Variants in TYW1B observed in about 807,000 individuals in gnomAD.
TYW1B encodes the protein S-adenosyl-L-methionine-dependent tRNA 4-demethylwyosine synthase TYW1B.
Under a neutral mutation model 86.9 loss-of-function variants are expected in TYW1B, and 73 were observed. The ratio of observed to expected loss-of-function variants is 0.84; its 90% CI spans 0.70 to 1.02. The LOEUF is 1.02. Among genes scored for constraint, TYW1B ranks in the 50% least tolerant of loss-of-function variants. The pLI, the probability that TYW1B is intolerant of heterozygous loss-of-function variation, is 0.00. For synonymous variants in TYW1B, 248 were observed against 292.8 expected (o/e 0.85, Z 1.56); for missense variants, 637 against 827.4 (o/e 0.77, Z 2.82).
At chr7:72,598,428 T>C (rs1811585434) in intron 13 of TYW1B, among the ~76,000 whole-genome samples, 2 of 151,868 alleles carry the variant, frequency 1.3e-5, no homozygotes, top group African/African-American at 4.8e-5. Context: ...CTAATACACA[T>C]ACCAAGTAAA....
At chr7:72,577,688 C>G (rs1317167638) in intron 13 of TYW1B, among the ~76,000 whole-genome samples, 2 of 152,212 alleles carry the variant, frequency 1.3e-5, no homozygotes, top group Non-Finnish European at 2.9e-5. Context: ...CCTTCTGATT[C>G]CAGCTGTGGC....
chr7:72,738,318 C>T (rs1333442925), intron 8 of TYW1B, among the ~76,000 whole-genome samples: 10 of 144,804 alleles, frequency 6.9e-5, no homozygotes, highest in Non-Finnish European at 1.1e-4. Context: ...CTCCTGACCT[C>T]GTGATCCGCC....
chr7:72,816,792 ACTT>A (rs1369875346), intron 2 of TYW1B, among the ~76,000 whole-genome samples: 2 of 152,224 alleles, frequency 1.3e-5, no homozygotes, highest in Admixed American at 1.3e-4. Context: ...GAGACTGTTG[ACTT>A]GGTGAACATA....
chr7:72,750,784 T>G (rs1350463164), intron 7 of TYW1B, among the ~76,000 whole-genome samples: 1 of 152,178 alleles, frequency 6.6e-6, no homozygotes, highest in African/African-American at 2.4e-5. Context: ...TCAAATTTTT[T>G]CAGATATTCG....
At chr7:72,654,087 A>G (rs1813141943) in intron 11 of TYW1B, among the ~76,000 whole-genome samples, 1 of 36,350 alleles carries the variant, frequency 2.8e-5, no homozygotes, top group Non-Finnish European at 6.6e-5. Context: ...CACAAAAAAG[A>G]AAAAAAAAAA....
At chr7:72,692,359 C>T (rs1254962350) in intron 11 of TYW1B, among the ~76,000 whole-genome samples, 1 of 151,310 alleles carries the variant, frequency 6.6e-6, no homozygotes, top group Non-Finnish European at 1.5e-5. Flanking sequence ...AAAAAAAAAT[C>T]AAAAAATTAA....
At chr7:72,754,561 A>ACAAGTAGCCAAG (rs1404100932) in intron 7 of TYW1B, among the ~76,000 whole-genome samples, 1 of 152,006 alleles carries the variant, frequency 6.6e-6, no homozygotes, top group East Asian at 1.9e-4. Context: ...CTCAGCCCCA[A>ACAAGTAGCCAAG]CAAGTAGCCA....
chr7:72,690,104 T>C (rs1264772798), intron 11 of TYW1B, among the ~76,000 whole-genome samples: 2 of 152,244 alleles, frequency 1.3e-5, no homozygotes, highest in Non-Finnish European at 2.9e-5. Context: ...GTTGGTCATT[T>C]TTCTTTTTTA....
intron 13 of TYW1B, among the ~76,000 whole-genome samples, chr7:72,614,497 G>A (rs1472703376): frequency 6.6e-6 from 1 of 152,120 alleles, no homozygotes; most frequent in Non-Finnish European, 1.5e-5. Flanking sequence ...AATGGGTGTG[G>A]TGGCTCACGC....
chr7:72,613,401 C>CTTTTTTTTTTTTT (rs71517349), intron 13 of TYW1B, among the ~76,000 whole-genome samples: 18 of 80,964 alleles, frequency 2.2e-4, no homozygotes, highest in African/African-American at 5.3e-4. Flanking sequence ...TTTATATCTT[C>CTTTTTTTTTTTTT]TTTTTTTTTT....
chr7:72,755,215 C>A (rs969868843), intron 7 of TYW1B, among the ~76,000 whole-genome samples: 1 of 152,030 alleles, frequency 6.6e-6, no homozygotes, highest in Admixed American at 6.6e-5. Context: ...TGCAGGAGTT[C>A]AAGACCAGCC....
chr7:72,627,512 T>TAACATAACAC (rs782405637), intron 12 of TYW1B, among the ~76,000 whole-genome samples: 108 of 143,324 alleles, frequency 7.5e-4, no homozygotes, highest in African/African-American at 2.8e-3. Context: ...TAACATAACA[T>TAACATAACAC]AAATAAAATA....
chr7:72,575,086 A>C lies in TYW1B; in HGVS notation c.*412T>G. The C allele has an allele frequency of 1.9e-6, 2 of 1,036,470 alleles. No individual in the cohort carries two copies. The highest frequency in any genetic ancestry group is 2.3e-6 in the Non-Finnish European group (2 of 861,494). The allele number at this position is 1,036,470 out of a possible 1,614,324, so 64.2% of individuals were successfully genotyped here. ...CGTTTAGCTCAGGGTAGTGCAATTC[A>C]ATGCTAAGTGGCTGCTCCATGAAAT... On this transcript the variant is annotated 3_prime_UTR_variant, in exon 14 of 14. Coordinates refer to ENST00000620995, the MANE Select transcript of TYW1B (RefSeq NM_001145440.3).
intron 6 of TYW1B, among the ~76,000 whole-genome samples, chr7:72,780,187 C>T (rs1470354930): frequency 2.0e-5 from 3 of 152,250 alleles, no homozygotes; most frequent in Admixed American, 2.0e-4. Context: ...CCAGGCTGGT[C>T]TCAAACTCCT....
intron 13 of TYW1B, among the ~76,000 whole-genome samples, chr7:72,578,114 A>ATT (rs11428029): frequency 0.042 from 5,368 of 129,152 alleles, 166 homozygotes; most frequent in Non-Finnish European, 0.059. Context: ...CTTCCTCACC[A>ATT]TTTTTTTTTT....
intron 8 of TYW1B, among the ~76,000 whole-genome samples, chr7:72,735,482 G>T (rs182667139): frequency 1.3e-5 from 2 of 150,738 alleles, no homozygotes; most frequent in African/African-American, 4.9e-5. Context: ...TGAGGCAAGA[G>T]AATCACTTGA....
intron 8 of TYW1B, among the ~76,000 whole-genome samples, chr7:72,742,801 GA>G (rs1366611259): frequency 4.7e-4 from 71 of 149,640 alleles, no homozygotes; most frequent in Admixed American, 1.1e-3. Context: ...TTAATAACTG[GA>G]AAAAAAAAGA....
At chr7:72,728,672 A>G (rs1308154065) in intron 9 of TYW1B, 150 bp downstream of exon 9, 1 of 774,514 alleles carries the variant, frequency 1.3e-6, no homozygotes, top group African/African-American at 1.8e-5. Context: ...AAAAAGGCAA[A>G]ATATATATAA....
intron 11 of TYW1B, among the ~76,000 whole-genome samples, chr7:72,649,751 A>C (rs1813015850): frequency 6.6e-6 from 1 of 152,190 alleles, no homozygotes; most frequent in South Asian, 2.1e-4. Flanking sequence ...AAAATCAATA[A>C]GCCCTAGAGC....
Sources: gnomAD v4.1 joint callset for allele counts (sites outside exome capture counted in the v4.1 genomes callset) on GRCh38, gnomAD v4.1.1 for gene constraint, MANE v1.5 for transcripts, NCBI Gene and HGNC (gene_info 2026-07-23, HGNC 2026-07-21) for gene names.